SEC14L1: variants seen among roughly 807,000 people sequenced by gnomAD.
The protein encoded by SEC14L1 is SEC14-like protein 1.
Under a neutral mutation model 85.3 loss-of-function variants are expected in SEC14L1, and 48 were observed. The observed-to-expected ratio is 0.56, with a 90% CI of 0.45 to 0.72. The LOEUF (loss-of-function observed/expected upper bound fraction) is 0.72. Ranked by LOEUF, SEC14L1 falls within the 30% of genes least tolerant of loss-of-function variation. The pLI is 0.00. For synonymous variants in SEC14L1, 391 were observed against 355.5 expected (o/e 1.10, Z -1.12); for missense variants, 682 against 921.4 (o/e 0.74, Z 3.36).
chr17:77,120,919 A>G (rs1972280713), intron 3 of SEC14L1, among the ~76,000 whole-genome samples: 1 of 152,222 alleles, frequency 6.6e-6, no homozygotes, highest in Non-Finnish European at 1.5e-5. Context: ...TAGGTGAGAG[A>G]GAGGCAGGGA....
chr17:77,092,755 C>T (rs1267954908), intron 2 of SEC14L1, among the ~76,000 whole-genome samples: 2 of 151,810 alleles, frequency 1.3e-5, no homozygotes, highest in African/African-American at 4.8e-5. Flanking sequence ...TCAAGACCAG[C>T]CTGACCAACA....
chr17:77,179,666 A>G (rs550019111), intron 3 of SEC14L1, among the ~76,000 whole-genome samples: 10 of 152,126 alleles, frequency 6.6e-5, no homozygotes, highest in African/African-American at 2.2e-4. Flanking sequence ...GGATTATGTC[A>G]AATTTTTACT....
intron 3 of SEC14L1, among the ~76,000 whole-genome samples, chr17:77,176,459 C>A (rs1974763643): frequency 6.6e-6 from 1 of 152,246 alleles, no homozygotes; most frequent in Non-Finnish European, 1.5e-5. Context: ...TGGGGACCTG[C>A]TCCTGTCTGC....
At chr17:77,157,914 C>T (rs772202547) in intron 3 of SEC14L1, among the ~76,000 whole-genome samples, 3 of 151,778 alleles carry the variant, frequency 2.0e-5, no homozygotes, top group South Asian at 4.2e-4. Flanking sequence ...TTTCATGTGA[C>T]GGATTTAACA....
rs537426791 is a variant in SEC14L1 at position 77,196,149 on chromosome 17, G to C, written c.710-53G>C. The C allele has an allele frequency of 2.7e-5, 38 of 1,407,170 alleles. No homozygotes were observed. The African/African-American group carries it at 4.8e-4, about 18-fold the overall frequency. The allele number at this position is 1,407,170 out of a possible 1,614,324, so 87.2% of individuals were successfully genotyped here. ...ACTCCACTGAGCACAAAGACTTTGGGAGCCTAAAGCTCCAGTGTTCTTTGT... is the reference window on the plus strand; with the variant it reads ...ACTCCACTGAGCACAAAGACTTTGGCAGCCTAAAGCTCCAGTGTTCTTTGT... On this transcript the variant is annotated intron_variant, in intron 7 of 16. Transcript: ENST00000436233.
intron 3 of SEC14L1, among the ~76,000 whole-genome samples, chr17:77,117,168 T>G (rs1972188757): frequency 6.6e-6 from 1 of 151,976 alleles, no homozygotes; most frequent in Admixed American, 6.6e-5. Context: ...GCCAACATGG[T>G]AAAACCCTGT....
chr17:77,178,055 T>TCC (rs60458585), intron 3 of SEC14L1, among the ~76,000 whole-genome samples: 87 of 71,394 alleles, frequency 1.2e-3, no homozygotes, highest in East Asian at 3.1e-3. Flanking sequence ...TTTCTTCCCC[T>TCC]CCCCCCCCCC....
chr17:77,201,342 T>C (rs774244524), intron 9 of SEC14L1, among the ~76,000 whole-genome samples: 1 of 152,230 alleles, frequency 6.6e-6, no homozygotes, highest in African/African-American at 2.4e-5. Flanking sequence ...CTGGTTCTTT[T>C]ACCCTCTGAA....
At chr17:77,152,035 G>A (rs910289207) in intron 3 of SEC14L1, among the ~76,000 whole-genome samples, 9 of 152,084 alleles carry the variant, frequency 5.9e-5, no homozygotes, top group Non-Finnish European at 1.0e-4. Context: ...GAGTGTAGTG[G>A]CACGATTATA....
At chr17:77,174,550 C>G (rs1174107352) in intron 3 of SEC14L1, among the ~76,000 whole-genome samples, 1 of 152,154 alleles carries the variant, frequency 6.6e-6, no homozygotes, top group African/African-American at 2.4e-5. Flanking sequence ...GTTACCTGGT[C>G]ACTGTGGTAT....
At chr17:77,192,656 C>T (rs1975603107) in intron 5 of SEC14L1, among the ~76,000 whole-genome samples, 1 of 151,462 alleles carries the variant, frequency 6.6e-6, no homozygotes, top group African/African-American at 2.4e-5. Flanking sequence ...ACTCCCCAAC[C>T]CCCAGGCTTT....
intron 3 of SEC14L1, among the ~76,000 whole-genome samples, chr17:77,148,406 T>A (rs1229757503): frequency 2.0e-5 from 3 of 152,098 alleles, no homozygotes; most frequent in African/African-American, 7.2e-5. Flanking sequence ...TAGAAGAGGC[T>A]CCATTAGCTC....
At chr17:77,180,067 T>TGTTAC (rs1567913151) in intron 3 of SEC14L1, among the ~76,000 whole-genome samples, 2 of 142,910 alleles carry the variant, frequency 1.4e-5, no homozygotes, top group African/African-American at 2.7e-5. Context: ...TGTTATGTTA[T>TGTTAC]GTTATGTTAT....
At chr17:77,178,270 C>T (rs766424885) in intron 3 of SEC14L1, among the ~76,000 whole-genome samples, 11 of 152,206 alleles carry the variant, frequency 7.2e-5, no homozygotes, top group Middle Eastern at 3.4e-3. Flanking sequence ...AGAACACGGC[C>T]TTCCAGAATA....
chr17:77,200,782 C>G, intron 9 of SEC14L1, 109 bp downstream of exon 9: 1 of 994,952 alleles, frequency 1.0e-6, no homozygotes, highest in Non-Finnish European at 1.5e-6. Context: ...TTGAGTGCAT[C>G]GTTTCTCCTC....
In SEC14L1 at chr17:77,145,676, T is replaced by C. The variant is rs566734349; in HGVS notation, c.63+2017T>C. ...ACTCCAGCCAGCTTGGGAAGGAGTTTGGTGAGTGGGAACATGTATAGTGTG... is the reference window on the plus strand; with the variant it reads ...ACTCCAGCCAGCTTGGGAAGGAGTTCGGTGAGTGGGAACATGTATAGTGTG... On this transcript the variant is annotated intron_variant, in intron 3 of 16. Coordinates refer to ENST00000436233, the MANE Select transcript of SEC14L1 (RefSeq NM_001143998.2). 3.3e-5 allele frequency among the ~76,000 whole-genome samples: 5 copies of C among 152,290 alleles called. No homozygotes were observed. In the East Asian group the frequency reaches 7.7e-4, roughly 24 times the overall value.
chr17:77,202,974 T>A (rs1976247392), intron 9 of SEC14L1, among the ~76,000 whole-genome samples: 1 of 150,252 alleles, frequency 6.7e-6, no homozygotes, highest in Admixed American at 6.6e-5. Flanking sequence ...CAACACAGGC[T>A]GCTTGGTGGG....
At chr17:77,110,193 T>C (rs889716388) in intron 3 of SEC14L1, among the ~76,000 whole-genome samples, 3 of 152,248 alleles carry the variant, frequency 2.0e-5, no homozygotes, top group Non-Finnish European at 4.4e-5. Context: ...GTGACTTTTC[T>C]GCTCGAGTAA....
At chr17:77,103,874 C>A (rs978416588) in intron 3 of SEC14L1, among the ~76,000 whole-genome samples, 1 of 150,842 alleles carries the variant, frequency 6.6e-6, no homozygotes, top group Non-Finnish European at 1.5e-5. Flanking sequence ...TGGATCCAGG[C>A]GGCACCGGGC....
Sources: allele counts gnomAD v4.1 joint callset (sites outside exome capture counted in the v4.1 genomes callset), GRCh38; gene constraint gnomAD v4.1.1; transcripts MANE v1.5; gene names NCBI Gene and HGNC (gene_info 2026-07-23, HGNC 2026-07-21).